The following MTSS1 variants were observed in gnomAD, a reference collection of about 807,000 sequenced individuals.
The protein encoded by MTSS1 is protein MTSS 1.
In MTSS1, 18 loss-of-function variants were observed where a neutral mutation model predicts 79.0. That is an observed-to-expected ratio of 0.23 (90% CI 0.16 to 0.34). The LOEUF is 0.34. Among genes scored for constraint, MTSS1 ranks in the 10% least tolerant of loss-of-function variants. The probability of loss-of-function intolerance (pLI) is 1.00; values close to 1 mark genes in which losing one functional copy is unlikely to be tolerated. For missense variants in MTSS1, 815 were observed against 986.2 expected (o/e 0.83, Z 2.33); for synonymous variants, 341 against 368.6 (o/e 0.93, Z 0.86).
Position 124,565,707 on chromosome 8 carries a change from G to T in MTSS1, c.779C>A (p.Pro260His), listed in dbSNP as rs765724545. ...SDYSWSYQTPPSSPSTTMSRK... is the reference protein window; with the variant it reads ...SDYSWSYQTPHSSPSTTMSRK... ...GGACATGGTGGTGCTGGGGGAAGAG[G>T]GTGGCGTCTGATACGACCAGCTGTA... Residue 260 changes from proline to histidine, a missense_variant, in exon 9 of 14, where the codon CCC (proline) becomes CAC (histidine). By Grantham distance (77) the Pro-to-His change is moderately conservative. Coordinates refer to ENST00000518547, the MANE Select transcript of MTSS1 (RefSeq NM_014751.6). 1 of 1,614,076 alleles carries T rather than the reference G, an allele frequency of 6.2e-7. No homozygotes were observed. Among genetic ancestry groups the T allele is most frequent in the East Asian group, 2.2e-5 (1 of 44,894 alleles).
chr8:124,687,676 C>A (rs1018784118), intron 3 of MTSS1, among the ~76,000 whole-genome samples: 2 of 152,190 alleles, frequency 1.3e-5, no homozygotes, highest in Admixed American at 1.3e-4. Flanking sequence ...CCCTTGTCAG[C>A]CTTGCAGGCC....
chr8:124,671,265 G>A (rs142787175), intron 3 of MTSS1, among the ~76,000 whole-genome samples: 50 of 151,870 alleles, frequency 3.3e-4, no homozygotes, highest in Non-Finnish European at 2.8e-4. Context: ...CTCATGACCC[G>A]CACCAACCTT....
chr8:124,570,351 A>G (rs1827484572), intron 6 of MTSS1, among the ~76,000 whole-genome samples: 1 of 152,208 alleles, frequency 6.6e-6, no homozygotes. Context: ...GTGCTACCCA[A>G]CGATTATACT....
At chr8:124,577,485 A>G (rs1369636765) in intron 6 of MTSS1, 6 of 486,128 alleles carry the variant, frequency 1.2e-5, no homozygotes, top group Non-Finnish European at 2.5e-5. Context: ...CATGACCTCA[A>G]GTGATCCTCC....
In MTSS1 at chr8:124,553,334, C is replaced by T. The variant is rs201830819; in HGVS notation, c.1926G>A (p.Glu642=). The T allele has an allele frequency of 6.4e-5, 103 of 1,613,696 alleles. No individual in the cohort carries two copies. The Middle Eastern group carries it at 6.6e-4, about 10-fold the overall frequency. ...APPDGPEERG[E]HSPESPSVGE... is the part of the protein sequence containing the mutation. Reference sequence around the variant, plus strand: ...CCACAGATGGCGACTCAGGGCTGTGCTCCCCCCGCTCTTCTGGCCCATCTG... The same window carrying T: ...CCACAGATGGCGACTCAGGGCTGTGTTCCCCCCGCTCTTCTGGCCCATCTG... The change falls in exon 14 of 14, where the codon GAG becomes GAA. Residue 642 remains glutamate (E), a synonymous_variant. Transcript: ENST00000518547. This position sits in a 1 kb window ranked among gnomAD's most constrained non-coding sequence, Gnocchi z 6.0.
intron 3 of MTSS1, among the ~76,000 whole-genome samples, chr8:124,685,926 A>G (rs1469870720): frequency 6.6e-6 from 1 of 152,208 alleles, no homozygotes; most frequent in East Asian, 1.9e-4. Context: ...GCAAGTGAGC[A>G]CCATGTCTCT....
chr8:124,705,394 C>T (rs1830251134), intron 1 of MTSS1, among the ~76,000 whole-genome samples: 2 of 152,238 alleles, frequency 1.3e-5, no homozygotes, highest in South Asian at 4.1e-4. Flanking sequence ...TCACTTGAGC[C>T]TGGGAGATGG....
chr8:124,628,063 T>C (rs1815093596), intron 3 of MTSS1, among the ~76,000 whole-genome samples: 1 of 152,054 alleles, frequency 6.6e-6, no homozygotes, highest in African/African-American at 2.4e-5. Flanking sequence ...GCTACTCAGG[T>C]GGCTGAGGCA....
intron 3 of MTSS1, among the ~76,000 whole-genome samples, chr8:124,612,887 A>G (rs1180450936): frequency 6.6e-6 from 1 of 152,128 alleles, no homozygotes; most frequent in Non-Finnish European, 1.5e-5. Flanking sequence ...AAATAGGACA[A>G]CCACCATCCA....
At chr8:124,699,335 A>G (rs1385284874) in intron 3 of MTSS1, 191 bp downstream of exon 3, 4 of 578,952 alleles carry the variant, frequency 6.9e-6, no homozygotes, top group Admixed American at 3.2e-5. Flanking sequence ...TCTTCTTCAC[A>G]TGTGCTTTAT....
At position 124,695,864 on chromosome 8, in the gene MTSS1, G is replaced by GTT. The variant is rs144960393; in HGVS notation, c.208+3660_208+3661dup. ...ATTCCACATATTGTGGAAAACTAGT[G>GTT]TTGTTTTTTTTTTTTCCTCCCAGCA... On this transcript the variant is annotated intron_variant, in intron 3 of 13. Coordinates refer to ENST00000518547, the MANE Select transcript of MTSS1 (RefSeq NM_014751.6). 4.0e-3 allele frequency among the ~76,000 whole-genome samples: 482 copies of GTT among 120,216 alleles called. 2 individuals are homozygous for GTT. Among genetic ancestry groups the GTT allele is most frequent in the African/African-American group, 0.013 (449 of 35,310 alleles). 78.9% of individuals were successfully genotyped at this position (120,216 alleles called of 152,430 possible). A position where few individuals can be genotyped will look rare whatever the true frequency, so the allele number is the denominator to read the frequency against.
chr8:124,696,512 A>C (rs13250347), intron 3 of MTSS1, among the ~76,000 whole-genome samples: 54,650 of 151,894 alleles, frequency 0.36, 10,576 homozygotes, highest in Non-Finnish European at 0.41. Context: ...TTAAACAGAA[A>C]GTATCCTGGC....
intron 3 of MTSS1, among the ~76,000 whole-genome samples, chr8:124,633,203 A>C (rs1816342376): frequency 6.6e-6 from 1 of 152,078 alleles, no homozygotes; most frequent in African/African-American, 2.4e-5. Context: ...TTTTGCCACA[A>C]CCTGGAAATT....
chr8:124,669,500 CTTGGACTTG>C (rs1483358992), intron 3 of MTSS1, among the ~76,000 whole-genome samples: 1 of 152,190 alleles, frequency 6.6e-6, no homozygotes, highest in African/African-American at 2.4e-5. Flanking sequence ...GGCCAGATTT[CTTGGACTTG>C]GGGCAAACAA....
In MTSS1 at chr8:124,683,338, C is replaced by T. The variant is rs1223796385; in HGVS notation, c.208+16188G>A. On this transcript the variant is annotated intron_variant, in intron 3 of 13. Coordinates refer to ENST00000518547, the MANE Select transcript of MTSS1 (RefSeq NM_014751.6). The surrounding 1 kb of genome is among the most constrained non-coding windows in gnomAD (Gnocchi z 4.5). ...AATTGTGAACAGAAACAAAGTCTTA[C>T]AATAGCCTGCAGTACACTATCAAAT... 6.6e-6 allele frequency among the ~76,000 whole-genome samples: 1 copy of T among 152,142 alleles called. No homozygotes were observed. Among genetic ancestry groups the T allele is most frequent in the African/African-American group, 2.4e-5 (1 of 41,418 alleles).
In MTSS1 at chr8:124,602,319, C is replaced by A. The variant is rs141756912; in HGVS notation, c.209-11084G>T. ...GGTGCAAGCAATCCTCCCACCTCAGCCTCCCAAACAGCTGGGGCTACAAGT... is the reference window on the plus strand; with the variant it reads ...GGTGCAAGCAATCCTCCCACCTCAGACTCCCAAACAGCTGGGGCTACAAGT... On this transcript the variant is annotated intron_variant, in intron 3 of 13. Coordinates refer to ENST00000518547, the MANE Select transcript of MTSS1 (RefSeq NM_014751.6). Among the ~76,000 whole-genome samples the A allele has an allele frequency of 2.6e-5, 4 of 151,508 alleles. No homozygotes were observed. The East Asian group carries it at 7.8e-4, about 29-fold the overall frequency.
At chr8:124,700,734 G>C (rs537942089) in intron 2 of MTSS1, among the ~76,000 whole-genome samples, 80 of 152,184 alleles carry the variant, frequency 5.3e-4, no homozygotes, top group African/African-American at 1.8e-3. Flanking sequence ...ATTCAGCGTA[G>C]TCAACACTCC....
At chr8:124,697,569 A>T (rs1341771674) in intron 3 of MTSS1, among the ~76,000 whole-genome samples, 1 of 152,158 alleles carries the variant, frequency 6.6e-6, no homozygotes. Context: ...TCAAAAAAAA[A>T]CAAAAAACAA....
intron 3 of MTSS1, among the ~76,000 whole-genome samples, chr8:124,595,604 A>C (rs974700588): frequency 2.6e-5 from 4 of 152,062 alleles, no homozygotes; most frequent in Non-Finnish European, 5.9e-5. Context: ...AATCCTTGTG[A>C]TTATGTGGGA....
Sources: gnomAD v4.1 joint callset for allele counts (sites outside exome capture counted in the v4.1 genomes callset) on GRCh38, gnomAD v4.1.1 for gene constraint, Gnocchi (gnomAD v3.1) non-coding constraint, MANE v1.5 for transcripts, NCBI Gene and HGNC (gene_info 2026-07-23, HGNC 2026-07-21) for gene names.